DGKB: variants seen among roughly 807,000 people sequenced by gnomAD.
The protein encoded by DGKB is 90 kDa diacylglycerol kinase.
Under a neutral mutation model 114.3 loss-of-function variants are expected in DGKB, and 67 were observed. The observed-to-expected ratio is 0.59, with a 90% confidence interval of 0.48 to 0.72. The LOEUF is 0.72. Among genes scored for constraint, DGKB ranks in the 30% least tolerant of loss-of-function variants. The probability of loss-of-function intolerance (pLI) is 0.00; values close to 1 mark genes in which losing one functional copy is unlikely to be tolerated. For missense variants in DGKB, 907 were observed against 975.2 expected (o/e 0.93, Z 0.93); for synonymous variants, 398 against 323.1 (o/e 1.23, Z -2.49).
chr7:14,491,697 G>A (rs1359211724), intron 20 of DGKB, among the ~76,000 whole-genome samples: 1 of 151,940 alleles, frequency 6.6e-6, no homozygotes, highest in Non-Finnish European at 1.5e-5. Context: ...TTTAATTAAC[G>A]ATTTAGTTCC....
chr7:14,392,319 G>A (rs747832339), intron 21 of DGKB, among the ~76,000 whole-genome samples: 2 of 152,138 alleles, frequency 1.3e-5, no homozygotes, highest in Non-Finnish European at 2.9e-5. Context: ...TCTGGGAGTT[G>A]TCAGTACTGG....
At chr7:14,573,726 C>A (rs1431514) in intron 20 of DGKB, among the ~76,000 whole-genome samples, 19 of 151,734 alleles carry the variant, frequency 1.3e-4, no homozygotes, top group African/African-American at 4.1e-4. Flanking sequence ...AAATGAAAAG[C>A]CAGCCTTCTG....
chr7:14,597,732 C>G (rs928936224), intron 17 of DGKB, among the ~76,000 whole-genome samples: 3 of 152,068 alleles, frequency 2.0e-5, no homozygotes, highest in African/African-American at 7.2e-5. Flanking sequence ...TTACTTGAGT[C>G]ACCTAAGACT....
At chr7:14,445,555 T>C (rs1396803346) in intron 21 of DGKB, among the ~76,000 whole-genome samples, 2 of 151,982 alleles carry the variant, frequency 1.3e-5, no homozygotes, top group Non-Finnish European at 2.9e-5. Context: ...AGAAAGGAGA[T>C]AATGAAGAGG....
chr7:14,313,441 C>A (rs911013457), intron 23 of DGKB, among the ~76,000 whole-genome samples: 3 of 152,122 alleles, frequency 2.0e-5, no homozygotes, highest in Admixed American at 6.5e-5. Flanking sequence ...CGAAGCAGGG[C>A]GAGGCATTGC....
intron 23 of DGKB, among the ~76,000 whole-genome samples, chr7:14,311,109 C>A (rs926719338): frequency 6.6e-6 from 1 of 152,146 alleles, no homozygotes; most frequent in African/African-American, 2.4e-5. Context: ...GCCTGGGGAA[C>A]AGAGCAAGAC....
In DGKB at chr7:14,852,672, A is replaced by G. The variant is rs557882270; in HGVS notation, c.-187-11222T>C. ...GAAGAGGAGAAAAATGACTACGAAT[A>G]AAGGATAACTCTTTCCTTCCCCGCC... On this transcript the variant is annotated intron_variant, in intron 1 of 25. Transcript: ENST00000402815. 4.6e-5 allele frequency among the ~76,000 whole-genome samples: 7 copies of G among 152,248 alleles called. No homozygotes were observed. The East Asian group carries it at 1.4e-3, about 29-fold the overall frequency.
chr7:14,623,648 T>C (rs376522238), intron 14 of DGKB, among the ~76,000 whole-genome samples: 9 of 152,294 alleles, frequency 5.9e-5, no homozygotes, highest in Middle Eastern at 3.4e-3. Context: ...ATATATTTTG[T>C]GTGTGGCTGA....
chr7:14,781,013 GGC>G (rs1159323619), intron 2 of DGKB, among the ~76,000 whole-genome samples: 7 of 151,948 alleles, frequency 4.6e-5, no homozygotes, highest in Admixed American at 3.9e-4. Context: ...TTCTCTTCCT[GGC>G]TGTTCATTTT....
At chr7:14,795,112 G>A (rs1412640991) in intron 2 of DGKB, among the ~76,000 whole-genome samples, 1 of 152,208 alleles carries the variant, frequency 6.6e-6, no homozygotes, top group African/African-American at 2.4e-5. Context: ...GACCCATGAG[G>A]AGGTATGTTA....
chr7:14,391,468 G>T (rs1413885517), intron 21 of DGKB, among the ~76,000 whole-genome samples: 4 of 150,870 alleles, frequency 2.7e-5, no homozygotes, highest in African/African-American at 4.9e-5. Flanking sequence ...GATCGCTTGA[G>T]CCCAGGCAAG....
At chr7:14,417,242 A>G (rs911619737) in intron 21 of DGKB, among the ~76,000 whole-genome samples, 1 of 152,066 alleles carries the variant, frequency 6.6e-6, no homozygotes, top group African/African-American at 2.4e-5. Context: ...ATTATGATTA[A>G]TTTCACAATT....
intron 1 of DGKB, among the ~76,000 whole-genome samples, chr7:14,943,774 T>A (rs1421799823): frequency 6.6e-6 from 1 of 151,930 alleles, no homozygotes; most frequent in Admixed American, 6.6e-5. Context: ...AATAACATAT[T>A]AGTTATATTA....
At chr7:14,158,891 A>G (rs996757971) in intron 25 of DGKB, among the ~76,000 whole-genome samples, 1 of 152,108 alleles carries the variant, frequency 6.6e-6, no homozygotes, top group Non-Finnish European at 1.5e-5. Context: ...ATAATCTATT[A>G]TTGACTCTAA....
At chr7:14,171,508 G>A (rs1562526941) in intron 25 of DGKB, among the ~76,000 whole-genome samples, 3 of 152,126 alleles carry the variant, frequency 2.0e-5, no homozygotes, top group Non-Finnish European at 2.9e-5. Flanking sequence ...TTTTGAATGT[G>A]CAAAAGCAAT....
intron 23 of DGKB, among the ~76,000 whole-genome samples, chr7:14,278,860 T>C (rs1462511523): frequency 2.0e-5 from 3 of 151,800 alleles, no homozygotes; most frequent in Non-Finnish European, 4.4e-5. Context: ...TTTTAAGAAA[T>C]GAATTGGAAA....
intron 23 of DGKB, among the ~76,000 whole-genome samples, chr7:14,179,442 G>T (rs1170984808): frequency 1.3e-5 from 2 of 152,182 alleles, no homozygotes; most frequent in African/African-American, 4.8e-5. Flanking sequence ...GGAATACGGT[G>T]GGAGGCATGA....
chr7:14,799,064 G>A (rs1238946085), intron 2 of DGKB, among the ~76,000 whole-genome samples: 1 of 152,226 alleles, frequency 6.6e-6, no homozygotes, highest in Non-Finnish European at 1.5e-5. Flanking sequence ...GCAGAAGACA[G>A]ATGAACTTTG....
chr7:14,819,819 G>C (rs867165289), intron 2 of DGKB, among the ~76,000 whole-genome samples: 13 of 152,114 alleles, frequency 8.5e-5, no homozygotes, highest in South Asian at 4.1e-4. Context: ...TCAAAAAAAA[G>C]TATATGAAGT....
Sources: gnomAD v4.1 joint callset for allele counts (sites outside exome capture counted in the v4.1 genomes callset) on GRCh38, gnomAD v4.1.1 for gene constraint, MANE v1.5 for transcripts, NCBI Gene and HGNC (gene_info 2026-07-23, HGNC 2026-07-21) for gene names.